The following UGGT2 variants were observed in gnomAD, a reference collection of about 807,000 sequenced individuals.
UGGT2 encodes the protein UDP-glucose:glycoprotein glucosyltransferase 2.
In UGGT2, 180 loss-of-function variants were observed where a neutral mutation model predicts 192.1. The ratio of observed to expected loss-of-function variants is 0.94; its 90% CI spans 0.83 to 1.06. The LOEUF (loss-of-function observed/expected upper bound fraction) is 1.06, where lower values mean the gene tolerates loss of function less well. Ranked by LOEUF, UGGT2 falls within the 50% of genes least tolerant of loss-of-function variation. The probability of loss-of-function intolerance (pLI) is 0.00; values close to 1 mark genes in which losing one functional copy is unlikely to be tolerated. For synonymous variants in UGGT2, 580 were observed against 591.0 expected (o/e 0.98, Z 0.27); for missense variants, 1,849 against 1,795.7 (o/e 1.03, Z -0.54).
intron 20 of UGGT2, among the ~76,000 whole-genome samples, chr13:95,918,603 A>G (rs1001749818): frequency 3.3e-5 from 5 of 152,152 alleles, no homozygotes; most frequent in Non-Finnish European, 7.4e-5. Context: ...GTTTTTAGAA[A>G]AAAAGTAGTA....
chr13:96,023,446 A>T (rs73545107), intron 3 of UGGT2, among the ~76,000 whole-genome samples, 183 bp downstream of exon 3: 3,526 of 152,226 alleles, frequency 0.023, 140 homozygotes, highest in African/African-American at 0.081. Context: ...AACTATAAAA[A>T]TTACAGAATA....
intron 17 of UGGT2, among the ~76,000 whole-genome samples, chr13:95,928,403 C>T (rs1026886787): frequency 1.1e-3 from 167 of 150,626 alleles, no homozygotes; most frequent in African/African-American, 3.9e-3. Context: ...CCGGACGGGG[C>T]GGCTGCCGGG....
intron 8 of UGGT2, among the ~76,000 whole-genome samples, chr13:95,987,669 T>G (rs1193517407): frequency 1.3e-5 from 2 of 152,070 alleles, no homozygotes; most frequent in East Asian, 3.9e-4. Context: ...TGCTAAGGGG[T>G]TTAAACTTAA....
rs1343009430 is a variant in UGGT2 at position 95,860,796 on chromosome 13, A to C, written c.3732T>G (p.Arg1244=). The change falls in exon 32 of 39, where the codon CGT becomes CGG. Residue 1244 remains arginine (R), a synonymous_variant. Coordinates refer to ENST00000376747, the MANE Select transcript of UGGT2 (RefSeq NM_020121.4). Reference sequence around the variant, plus strand: ...TTAAAAAATATACCTACCTTAAAAAACGTTCATATAAATGACCAGAAGCAA... The same window carrying C: ...TTAAAAAATATACCTACCTTAAAAACCGTTCATATAAATGACCAGAAGCAA... The part of the protein sequence containing the change: ...FSVASGHLYE[R]FLRIMMLSVL... 1 of 1,523,032 alleles carries C rather than the reference A, an allele frequency of 6.6e-7. No individual in the cohort carries two copies. Among genetic ancestry groups the C allele is most frequent in the Non-Finnish European group, 8.8e-7 (1 of 1,136,162 alleles). 94.3% of individuals were successfully genotyped at this position (1,523,032 alleles called of 1,614,324 possible).
intron 20 of UGGT2, among the ~76,000 whole-genome samples, chr13:95,903,982 T>A (rs998938878): frequency 6.6e-6 from 1 of 152,220 alleles, no homozygotes; most frequent in African/African-American, 2.4e-5. Flanking sequence ...TCCTTTGATA[T>A]GTTCTTTGGC....
chr13:95,888,800 A>G (rs998376560), intron 25 of UGGT2, among the ~76,000 whole-genome samples: 7 of 151,024 alleles, frequency 4.6e-5, no homozygotes, highest in Admixed American at 6.7e-5. Flanking sequence ...TCCATATTTT[A>G]TATCTCTGTA....
intron 27 of UGGT2, among the ~76,000 whole-genome samples, chr13:95,881,402 T>G (rs1443101590): frequency 6.6e-6 from 1 of 152,184 alleles, no homozygotes; most frequent in Admixed American, 6.5e-5. Flanking sequence ...GCTGCAAATG[T>G]GACCTTTTCC....
chr13:96,011,980 C>T (rs1397223411), intron 5 of UGGT2, among the ~76,000 whole-genome samples: 1 of 152,020 alleles, frequency 6.6e-6, no homozygotes, highest in Non-Finnish European at 1.5e-5. Flanking sequence ...AACATGGCTA[C>T]ATATCATGCA....
rs748687221 is a variant in UGGT2 at position 95,936,962 on chromosome 13, T to A, written c.1939A>T (p.Met647Leu). Residue 647 changes from methionine to leucine, a missense_variant, in exon 17 of 39, where the codon ATG (methionine) becomes TTG (leucine). Coordinates refer to ENST00000376747, the MANE Select transcript of UGGT2 (RefSeq NM_020121.4). ...CTTTGTAAATATACAGATGCATCCA[T>A]CATTCTTTGAAGAACAGCCATTTTT... is the stretch of plus-strand genomic sequence containing the variant. The part of the protein sequence containing the change: ...ELKMAVLQRM[M>L]DASVYLQREV... The A allele has an allele frequency of 1.3e-6, 2 of 1,595,248 alleles. No individual in the cohort carries two copies. Among genetic ancestry groups the A allele is most frequent in the South Asian group, 2.3e-5 (2 of 86,720 alleles).
At chr13:96,050,628 T>G (rs1450227411) in intron 1 of UGGT2, among the ~76,000 whole-genome samples, 1 of 151,894 alleles carries the variant, frequency 6.6e-6, no homozygotes, top group Non-Finnish European at 1.5e-5. Context: ...TTAAACAAAT[T>G]TACAAGAAAA....
rs2049983637 is a variant in UGGT2, at chr13:95,949,327, A to T, written c.1455+8T>A. On this transcript the variant is annotated splice_region_variant and intron_variant, in intron 13 of 38. Transcript: ENST00000376747. ...GATATATATGTATAATCAAAATATAAAACTCACCAAATTATGAAAATTGCG... is the reference window on the plus strand; with the variant it reads ...GATATATATGTATAATCAAAATATATAACTCACCAAATTATGAAAATTGCG... 1 of 1,525,828 alleles carries T rather than the reference A, an allele frequency of 6.6e-7. No homozygotes were observed. Among genetic ancestry groups the T allele is most frequent in the Non-Finnish European group, 8.8e-7 (1 of 1,138,006 alleles). 94.5% of individuals were successfully genotyped at this position (1,525,828 alleles called of 1,614,324 possible).
At chr13:95,823,474 T>C (rs1260498656) in intron 38 of UGGT2, among the ~76,000 whole-genome samples, 1 of 152,132 alleles carries the variant, frequency 6.6e-6, no homozygotes, top group Non-Finnish European at 1.5e-5. Flanking sequence ...TTTAGTATTA[T>C]AGTATCTTCT....
rs909545591 is a variant in UGGT2, at chr13:95,989,753, C to T, written c.931+220G>A. On this transcript the variant is annotated intron_variant, in intron 8 of 38. Transcript: ENST00000376747. ...TACTTTTGAAATAACATTGAATAACCTCACTTCATATAATTTTAAGTCTTG... is the reference window on the plus strand; with the variant it reads ...TACTTTTGAAATAACATTGAATAACTTCACTTCATATAATTTTAAGTCTTG... 3.3e-5 allele frequency among the ~76,000 whole-genome samples: 5 copies of T among 151,966 alleles called. No individual in the cohort carries two copies. In the East Asian group the frequency reaches 7.7e-4, roughly 23 times the overall value.
At chr13:95,811,945 A>G (rs970866653) in intron 38 of UGGT2, among the ~76,000 whole-genome samples, 1 of 152,268 alleles carries the variant, frequency 6.6e-6, no homozygotes. Flanking sequence ...AAAAGAAGGA[A>G]AAAAGGCATA....
chr13:95,845,985 C>T (rs1205799174), intron 36 of UGGT2, among the ~76,000 whole-genome samples: 15 of 151,988 alleles, frequency 9.9e-5, no homozygotes, highest in East Asian at 1.9e-4. Context: ...AGATGATGGG[C>T]GGCCAGGCAG....
chr13:95,948,662 C>T (rs866160634), intron 13 of UGGT2, among the ~76,000 whole-genome samples: 3 of 152,108 alleles, frequency 2.0e-5, no homozygotes, highest in African/African-American at 7.2e-5. Flanking sequence ...AAAATTACTA[C>T]ACTTTAATCA....
chr13:95,942,224 GTGTGTGTGTGTGTGTGT>G (rs2049711561), intron 15 of UGGT2, among the ~76,000 whole-genome samples: 1,610 of 82,718 alleles, frequency 0.019, 33 homozygotes, highest in African/African-American at 0.07. Context: ...GGGTGAGGGT[GTGTGTGTGTGTGTGTGT>G]GTGTGTGTGT....
chr13:95,984,218 C>T lies in UGGT2; in HGVS notation c.1032-354G>A, dbSNP rs536429569. Among the ~76,000 whole-genome samples, 9 of 152,224 alleles carry T rather than the reference C, an allele frequency of 5.9e-5. No homozygotes were observed. The East Asian group carries it at 1.2e-3, about 20-fold the overall frequency. On this transcript the variant is annotated intron_variant, in intron 9 of 38. Transcript: ENST00000376747. ...ACCAATGTATAAGTACATGAATATA[C>T]GTACATGAAGAATTTTTTAGTTAAC...
chr13:95,972,555 T>C (rs1480239060), intron 11 of UGGT2, 25 bp downstream of exon 11: 3 of 1,536,112 alleles, frequency 2.0e-6, no homozygotes, highest in Admixed American at 1.7e-5. Context: ...CCATAGTTCA[T>C]TTACAGCAAT....
Sources: allele counts gnomAD v4.1 joint callset (sites outside exome capture counted in the v4.1 genomes callset), GRCh38; gene constraint gnomAD v4.1.1; transcripts MANE v1.5; gene names NCBI Gene and HGNC (gene_info 2026-07-23, HGNC 2026-07-21).